SLC13A4: variants seen among roughly 807,000 people sequenced by gnomAD.
SLC13A4 encodes the protein solute carrier family 13 member 4, also known as Na(+)/sulfate cotransporter SUT-1.
In SLC13A4, 28 loss-of-function variants were observed where a neutral mutation model predicts 72.7. The ratio of observed to expected loss-of-function variants is 0.39; its 90% CI spans 0.29 to 0.53. SLC13A4 has a LOEUF of 0.53. SLC13A4 is among the 20% of genes least tolerant of loss of function. The pLI is 0.78. For synonymous variants in SLC13A4, 312 were observed against 325.5 expected, an observed-to-expected ratio of 0.96 and a Z score of 0.45; for missense variants, 653 against 788.0, an observed-to-expected ratio of 0.83 and a Z score of 2.05.
chr7:135,687,978 A>ATT (rs758150576), intron 13 of SLC13A4, among the ~76,000 whole-genome samples: 1 of 134,754 alleles, frequency 7.4e-6, no homozygotes, highest in Non-Finnish European at 1.6e-5. Flanking sequence ...CCCCGGCTAA[A>ATT]TTTTTTTTTT....
At chr7:135,685,112 C>T (rs1001442103) in intron 14 of SLC13A4, among the ~76,000 whole-genome samples, 6 of 152,182 alleles carry the variant, frequency 3.9e-5, no homozygotes, top group African/African-American at 1.4e-4. Flanking sequence ...TCAGTCTTTT[C>T]AGCTGTGTGT....
intron 2 of SLC13A4, among the ~76,000 whole-genome samples, chr7:135,721,021 T>C (rs1475463690): frequency 6.6e-6 from 1 of 152,240 alleles, no homozygotes; most frequent in Non-Finnish European, 1.5e-5. Context: ...GTCTGATTCC[T>C]GCCTTTGTGT....
At chr7:135,715,077 ATGTG>A (rs371550143) in intron 2 of SLC13A4, among the ~76,000 whole-genome samples, 1 of 74,648 alleles carries the variant, frequency 1.3e-5, no homozygotes, top group African/African-American at 6.2e-5. Flanking sequence ...TGTGTGTATG[ATGTG>A]TGTGTATAAG....
chr7:135,693,822 G>A (rs1795844387), intron 10 of SLC13A4, among the ~76,000 whole-genome samples: 1 of 152,212 alleles, frequency 6.6e-6, no homozygotes, highest in South Asian at 2.1e-4. Context: ...CCTGGCTTTG[G>A]AAGGAATTCA....
intron 11 of SLC13A4, 69 bp from the exon 12 acceptor site, chr7:135,691,714 G>T: frequency 9.0e-7 from 1 of 1,106,438 alleles, no homozygotes; most frequent in Non-Finnish European, 1.4e-6. Flanking sequence ...ATGTCTCGGA[G>T]CAGTCTGTCC....
intron 15 of SLC13A4, among the ~76,000 whole-genome samples, chr7:135,682,552 C>G (rs925131930): frequency 1.3e-5 from 2 of 152,224 alleles, no homozygotes; most frequent in Admixed American, 6.5e-5. Flanking sequence ...TCTCTCCTGC[C>G]GTCTGGTCGG....
chr7:135,691,566 A>AG lies in SLC13A4; in HGVS notation c.1302dup (p.Phe435LeufsTer6). 6.2e-7 allele frequency: 1 copy of AG among 1,613,510 alleles called. No homozygotes were observed. The highest frequency in any genetic ancestry group is 8.5e-7 in the Non-Finnish European group (1 of 1,179,424). ...CTCTCACCATCATTCTTTTTCCCAA[A>AG]GCAGGGCTTCTTCGCTGGAATGAGG... On this transcript the variant is annotated frameshift_variant, in exon 12 of 16. Coordinates refer to ENST00000682651, the MANE Select transcript of SLC13A4 (RefSeq NM_001318192.2). LOFTEE classifies it high-confidence loss of function.
intron 2 of SLC13A4, among the ~76,000 whole-genome samples, chr7:135,715,407 GAGTGTGTGTA>G (rs1796408061): frequency 7.6e-6 from 1 of 132,308 alleles, no homozygotes; most frequent in African/African-American, 3.0e-5. Context: ...ATGTGTGTAT[GAGTGTGTGTA>G]TGAGTGTGTG....
intron 1 of SLC13A4, among the ~76,000 whole-genome samples, chr7:135,726,144 T>C (rs772121950): frequency 1.3e-5 from 2 of 151,552 alleles, no homozygotes; most frequent in Non-Finnish European, 2.9e-5. Context: ...TGTCTCTCGG[T>C]AACAGTCCCT....
intron 3 of SLC13A4, among the ~76,000 whole-genome samples, chr7:135,706,667 G>A (rs998807076): frequency 6.6e-6 from 1 of 152,180 alleles, no homozygotes; most frequent in Non-Finnish European, 1.5e-5. Flanking sequence ...TGTGTGGAAG[G>A]CAATACTTTG....
Position 135,706,108 on chromosome 7 carries a change from T to C in SLC13A4, c.538+20A>G, listed in dbSNP as rs368799550. ...GGAGGTTGGAGGAGCAAAGGAGAGATGAACTCCAGCAAACTGTACTGATGG... is the reference window on the plus strand; with the variant it reads ...GGAGGTTGGAGGAGCAAAGGAGAGACGAACTCCAGCAAACTGTACTGATGG... On this transcript the variant is annotated intron_variant, in intron 4 of 15. Coordinates refer to ENST00000682651, the MANE Select transcript of SLC13A4 (RefSeq NM_001318192.2). 7.1e-6 allele frequency: 11 copies of C among 1,556,802 alleles called. No homozygotes were observed. The African/African-American group carries it at 1.5e-4, about 21-fold the overall frequency.
At chr7:135,683,692 G>A (rs73160712) in intron 15 of SLC13A4, 63,485 of 985,314 alleles carry the variant, frequency 0.064, 2,180 homozygotes, top group South Asian at 0.089. Context: ...GGTGAGTTGA[G>A]CAGAAGAATC....
intron 15 of SLC13A4, among the ~76,000 whole-genome samples, chr7:135,682,610 G>T (rs556906991): frequency 6.6e-6 from 1 of 152,356 alleles, no homozygotes; most frequent in Admixed American, 6.5e-5. Context: ...TTTCCCCACA[G>T]GTGAGAGGGC....
rs116388669 is a variant in SLC13A4, at chr7:135,709,534, C to T, written c.229-1284G>A. 6.6e-3 allele frequency among the ~76,000 whole-genome samples: 998 copies of T among 151,896 alleles called. 16 individuals are homozygous for T. The highest frequency in any genetic ancestry group is 0.022 in the African/African-American group (927 of 41,446). Reference sequence around the variant, plus strand: ...TCCCAGGCTCAGGGTATATTTTCTACGAGTAGGGATTTTCTCTTCCTTAGT... The same window carrying T: ...TCCCAGGCTCAGGGTATATTTTCTATGAGTAGGGATTTTCTCTTCCTTAGT... On this transcript the variant is annotated intron_variant, in intron 2 of 15. Coordinates refer to ENST00000682651, the MANE Select transcript of SLC13A4 (RefSeq NM_001318192.2).
chr7:135,708,118 C>T lies in SLC13A4; in HGVS notation c.361G>A (p.Gly121Ser), dbSNP rs1044456583. The change falls in exon 3 of 16, where the codon GGC (glycine) becomes AGC (serine). Residue 121 changes from glycine (G) to serine (S), a missense_variant. Coordinates refer to ENST00000682651, the MANE Select transcript of SLC13A4 (RefSeq NM_001318192.2). The stretch of plus-strand genomic sequence containing the variant: ...GGCATCCCAAATAAGACTTACATGC[C>T]CGGCTTGGCTCCGGCCATCAAGACC... Reference protein sequence around the residue: ...RMVLMAGAKPGMLLLCFMCCT... With the variant: ...RMVLMAGAKPSMLLLCFMCCT... 1 of 1,612,934 alleles carries T rather than the reference C, an allele frequency of 6.2e-7. No homozygotes were observed. Among genetic ancestry groups the T allele is most frequent in the Non-Finnish European group, 8.5e-7 (1 of 1,179,000 alleles).
chr7:135,704,198 A>T (rs944753531), intron 5 of SLC13A4: 1 of 152,422 alleles, frequency 6.6e-6, no homozygotes, highest in Non-Finnish European at 1.5e-5. Context: ...GGCAGCCCCA[A>T]TACAGGGGTT....
In SLC13A4 at chr7:135,692,381, C is replaced by T. The variant is rs550475943; in HGVS notation, c.1165G>A (p.Val389Ile). 2.7e-5 allele frequency: 44 copies of T among 1,613,820 alleles called. No individual in the cohort carries two copies. The highest frequency in any genetic ancestry group is 2.1e-4 in the South Asian group (19 of 91,002). Reference sequence around the variant, plus strand: ...CCAGGCTCCCGGGTAAACCACAGTACGGTCATCAGGATGAAGAAAAATCCA... The same window carrying T: ...CCAGGCTCCCGGGTAAACCACAGTATGGTCATCAGGATGAAGAAAAATCCA... ...VTGFFFILMT[V>I]LWFTREPGFV... Residue 389 changes from valine to isoleucine, a missense_variant, in exon 11 of 16, where the codon GTA becomes ATA. Val to Ile is a conservative substitution (Grantham distance 29). Transcript: ENST00000682651.
intron 2 of SLC13A4, among the ~76,000 whole-genome samples, chr7:135,709,687 C>T (rs574713271): frequency 8.5e-5 from 13 of 152,300 alleles, no homozygotes; most frequent in Admixed American, 3.3e-4. Flanking sequence ...TTGATTCTCT[C>T]ACTTGGAACA....
chr7:135,726,837 C>T (rs1489623536), intron 1 of SLC13A4, among the ~76,000 whole-genome samples: 1 of 152,226 alleles, frequency 6.6e-6, no homozygotes, highest in Non-Finnish European at 1.5e-5. Context: ...CATTCCTTCC[C>T]TAAACATTCA....
Sources: gnomAD v4.1 joint callset for allele counts (sites outside exome capture counted in the v4.1 genomes callset) on GRCh38, gnomAD v4.1.1 for gene constraint, MANE v1.5 for transcripts, NCBI Gene and HGNC (gene_info 2026-07-23, HGNC 2026-07-21) for gene names.